COL20A1: variants seen among roughly 807,000 people sequenced by gnomAD.
COL20A1 encodes collagen type XX alpha 1 chain.
In COL20A1, 164 loss-of-function variants were observed where a neutral mutation model predicts 152.9. The observed-to-expected ratio is 1.07, with a 90% CI of 0.94 to 1.22. The LOEUF (loss-of-function observed/expected upper bound fraction) is 1.22. Among genes scored for constraint, COL20A1 ranks in the 50% most tolerant of loss-of-function variants. COL20A1 has a pLI of 0.00. For missense variants in COL20A1, 1,873 were observed against 1,744.8 expected, an observed-to-expected ratio of 1.07 and a Z score of -1.31; for synonymous variants, 864 against 756.0, an observed-to-expected ratio of 1.14 and a Z score of -2.34.
rs139725791 is a variant in COL20A1, at chr20:63,316,928, T to C, written c.2663+237T>C. Among the ~76,000 whole-genome samples the C allele has an allele frequency of 1.4e-4, 21 of 152,366 alleles. No individual in the cohort carries two copies. In the East Asian group the frequency reaches 3.9e-3, roughly 28 times the overall value. On this transcript the variant is annotated intron_variant, in intron 21 of 35. Transcript: ENST00000358894. ...GTGAGGCCAGCCCCTTGGCATATTT[T>C]GGCAACCAAGTATGGATCTATTTCC...
Position 63,308,584 on chromosome 20 carries a change from C to A in COL20A1, c.818C>A (p.Ala273Glu). Residue 273 changes from alanine (A) to glutamate (E), a missense_variant, in exon 8 of 36, where the codon GCG becomes GAG. Ala to Glu is a moderately radical substitution (Grantham distance 107). Coordinates refer to ENST00000358894, the MANE Select transcript of COL20A1 (RefSeq NM_020882.4). The stretch of plus-strand genomic sequence containing the variant: ...GTGCTGGGGCAGAACCTGCAGCCGG[C>A]GGCTGGCCTCCGTCCAGAGGCAGCC... ...THVLGQNLQP[A>E]AGLRPEAAKV... 1.9e-6 allele frequency: 3 copies of A among 1,604,686 alleles called. No homozygotes were observed. Among genetic ancestry groups the A allele is most frequent in the Middle Eastern group, 1.7e-4 (1 of 6,042 alleles).
At chr20:63,298,257 G>C (rs1035213025) in intron 3 of COL20A1, among the ~76,000 whole-genome samples, 3 of 152,218 alleles carry the variant, frequency 2.0e-5, no homozygotes, top group Admixed American at 6.5e-5. Flanking sequence ...AAGGCATTCA[G>C]TACATACTTT....
intron 19 of COL20A1, 61 bp from the exon 20 acceptor site, chr20:63,315,343 T>G (rs1357919416): frequency 5.3e-6 from 8 of 1,506,060 alleles, no homozygotes; most frequent in African/African-American, 1.4e-5. Flanking sequence ...TCCCCAGCGG[T>G]CTGTCAGGCG....
At position 63,334,740 on chromosome 20, in the gene COL20A1, G is replaced by A. The variant is rs1046234737; in HGVS notation, c.*4024G>A. On this transcript the variant is annotated 3_prime_UTR_variant, in exon 36 of 36. Transcript: ENST00000358894. ...CACCGGCCCTTAAACACAGTTTTTA[G>A]GGAAGATTCCAACTCAAACAATTTT... 3.9e-5 allele frequency: 6 copies of A among 152,200 alleles called. No homozygotes were observed. The highest frequency in any genetic ancestry group is 1.4e-4 in the African/African-American group (6 of 41,432). The allele number at this position is 152,200 out of a possible 1,614,324, so 9.4% of individuals were successfully genotyped here.
chr20:63,326,022 T>C (rs1013456813), intron 29 of COL20A1, 74 bp from the exon 30 acceptor site: 14 of 1,335,624 alleles, frequency 1.0e-5, no homozygotes, highest in Admixed American at 6.7e-5. Flanking sequence ...TGGGTGCTGC[T>C]GGGGGGCTGT....
Position 63,321,136 on chromosome 20 carries a change from A to G in COL20A1, c.3240+37A>G, listed in dbSNP as rs1397833850. ...GGCGTCTCCTTGGGGTGACCAGGGAACACTGGCCAATGTATTGCTGCCACT... is the reference window on the plus strand; with the variant it reads ...GGCGTCTCCTTGGGGTGACCAGGGAGCACTGGCCAATGTATTGCTGCCACT... On this transcript the variant is annotated intron_variant, in intron 26 of 35. Coordinates refer to ENST00000358894, the MANE Select transcript of COL20A1 (RefSeq NM_020882.4). The G allele has an allele frequency of 3.5e-6, 5 of 1,444,886 alleles. No individual in the cohort carries two copies. In the South Asian group the frequency reaches 4.9e-5, roughly 14 times the overall value. The allele number at this position is 1,444,886 out of a possible 1,614,324, so 89.5% of individuals were successfully genotyped here.
chr20:63,328,608 G>A (rs905522535), intron 34 of COL20A1, 110 bp downstream of exon 34: 82 of 1,062,710 alleles, frequency 7.7e-5, no homozygotes, highest in Non-Finnish European at 1.0e-4. Flanking sequence ...AGCTCCTGCT[G>A]GAGATGCCAC....
Position 63,313,850 on chromosome 20 carries a change from C to T in COL20A1, c.2317C>T (p.Leu773Phe). ...GCTTGGCCGCGTGCTCCATTACTGG[C>T]TCACCTACGCCCCCGCCTCTGGCTT... ...PPLGRVLHYW[L>F]TYAPASGLGP... The change falls in exon 18 of 36, where the codon CTC (leucine) becomes TTC (phenylalanine). Residue 773 changes from leucine (L) to phenylalanine (F), a missense_variant. By Grantham distance (22) the Leu-to-Phe change is conservative. Coordinates refer to ENST00000358894, the MANE Select transcript of COL20A1 (RefSeq NM_020882.4). This position sits in a 1 kb window ranked among gnomAD's most constrained non-coding sequence, Gnocchi z 5.9. 6.2e-7 allele frequency: 1 copy of T among 1,610,274 alleles called. No individual in the cohort carries two copies. The highest frequency in any genetic ancestry group is 8.5e-7 in the Non-Finnish European group (1 of 1,178,574).
rs2068349804 is a variant in COL20A1 at position 63,332,840 on chromosome 20, C to G, written c.*2124C>G. On this transcript the variant is annotated 3_prime_UTR_variant, in exon 36 of 36. Coordinates refer to ENST00000358894, the MANE Select transcript of COL20A1 (RefSeq NM_020882.4). Reference sequence around the variant, plus strand: ...TTAGGGACTGGTCCCTGAGGCCCCACCCGCCCCAGCCTGTGCAGTGGAGCT... The same window carrying G: ...TTAGGGACTGGTCCCTGAGGCCCCAGCCGCCCCAGCCTGTGCAGTGGAGCT... 1 of 152,228 alleles carries G rather than the reference C, an allele frequency of 6.6e-6. No individual in the cohort carries two copies. Among genetic ancestry groups the G allele is most frequent in the African/African-American group, 2.4e-5 (1 of 41,452 alleles). 9.4% of individuals were successfully genotyped at this position (152,228 alleles called of 1,614,324 possible).
chr20:63,327,614 C>CGGGCCCG (rs1238057131), intron 31 of COL20A1: 7 of 341,778 alleles, frequency 2.0e-5, no homozygotes, highest in Admixed American at 4.3e-5. Flanking sequence ...AGGCCTGACC[C>CGGGCCCG]GGGCCCGGGG....
At chr20:63,296,331 G>A (rs2067793719) in intron 2 of COL20A1, among the ~76,000 whole-genome samples, 1 of 152,272 alleles carries the variant, frequency 6.6e-6, no homozygotes, top group Admixed American at 6.5e-5. Context: ...AACAACTTGA[G>A]TTTAGGCGAA....
chr20:63,326,646 G>A (rs886996055), intron 30 of COL20A1, 106 bp from the exon 31 acceptor site: 6 of 703,734 alleles, frequency 8.5e-6, no homozygotes, highest in South Asian at 4.8e-5. Flanking sequence ...GGCATCCACC[G>A]CCCTTGTCAG....
rs1235871420 is a variant in COL20A1 at position 63,322,078 on chromosome 20, C to T, written c.3261C>T (p.Gly1087=). 1 of 1,503,696 alleles carries T rather than the reference C, an allele frequency of 6.7e-7. No individual in the cohort carries two copies. The highest frequency in any genetic ancestry group is 2.6e-5 in the Admixed American group (1 of 39,096). The allele number at this position is 1,503,696 out of a possible 1,614,324, so 93.1% of individuals were successfully genotyped here. Residue 1087 remains glycine, a synonymous_variant, in exon 27 of 36, where the codon GGC becomes GGT. Transcript: ENST00000358894. ...TGCAGGGCCTCCCTGGGAGGAATGG[C>T]ACCCCAGGAGAGCAGGGCTTCCCAG... The part of the protein sequence containing the change: ...QGPPGLPGRN[G]TPGEQGFPGP...
chr20:63,314,204 G>A lies in COL20A1; in HGVS notation c.2488+3G>A, dbSNP rs747325753. The stretch of plus-strand genomic sequence containing the variant: ...TGTGTCTGCCACGGGCCAGACAGGT[G>A]AGTGGGCACCAAGACCCCAGACCCA... On this transcript the variant is annotated splice_donor_region_variant and intron_variant, in intron 19 of 35. Coordinates refer to ENST00000358894, the MANE Select transcript of COL20A1 (RefSeq NM_020882.4). 6.4e-7 allele frequency: 1 copy of A among 1,555,654 alleles called. No homozygotes were observed. Among genetic ancestry groups the A allele is most frequent in the East Asian group, 2.4e-5 (1 of 41,362 alleles).
rs374139576 is a variant in COL20A1 at position 63,307,482 on chromosome 20, C to T, written c.497-8C>T. The T allele has an allele frequency of 7.5e-5, 120 of 1,609,134 alleles. 1 individual carries two copies. The highest frequency in any genetic ancestry group is 2.2e-4 in the East Asian group (10 of 44,896). The stretch of plus-strand genomic sequence containing the variant: ...CACCTAGCACCTGACCCGCTCCCAC[C>T]GCCCCAGCCGGCCCCCAGTTCCGCT... On this transcript the variant is annotated splice_region_variant and splice_polypyrimidine_tract_variant and intron_variant, in intron 5 of 35. Transcript: ENST00000358894.
In COL20A1 at chr20:63,313,049, C is replaced by A. The variant is rs765619920; in HGVS notation, c.2077-68C>A. 245 of 1,555,844 alleles carry A rather than the reference C, an allele frequency of 1.6e-4. No individual in the cohort carries two copies. Among genetic ancestry groups the A allele is most frequent in the Non-Finnish European group, 2.0e-4 (228 of 1,148,070 alleles). On this transcript the variant is annotated intron_variant, in intron 16 of 35. Coordinates refer to ENST00000358894, the MANE Select transcript of COL20A1 (RefSeq NM_020882.4). The surrounding 1 kb of genome is among the most constrained non-coding windows in gnomAD (Gnocchi z 5.9). ...CCCACCCTGTCTCCCAGGGATGCCT[C>A]ACTGCCCGGCCCCCCAACCTGAGGA...
At chr20:63,299,647 G>A (rs551494604) in intron 3 of COL20A1, among the ~76,000 whole-genome samples, 136 of 152,118 alleles carry the variant, frequency 8.9e-4, no homozygotes, top group Non-Finnish European at 1.7e-3. Flanking sequence ...CAGATAGATG[G>A]ACCTTATCAG....
At chr20:63,325,942 G>A (rs2123433258) in intron 29 of COL20A1, among the ~76,000 whole-genome samples, 154 bp from the exon 30 acceptor site, 1 of 152,204 alleles carries the variant, frequency 6.6e-6, no homozygotes, top group East Asian at 1.9e-4. Flanking sequence ...AGGGTGGGTG[G>A]GGGAGTGGCT....
At chr20:63,318,981 G>A (rs2068120030) in intron 21 of COL20A1, 77 bp from the exon 22 acceptor site, 13 of 1,167,132 alleles carry the variant, frequency 1.1e-5, no homozygotes, top group Non-Finnish European at 1.5e-5. Context: ...GGCTGGGGCT[G>A]GGCGAGCGGA....
Sources: gnomAD v4.1 joint callset for allele counts (sites outside exome capture counted in the v4.1 genomes callset) on GRCh38, gnomAD v4.1.1 for gene constraint, Gnocchi (gnomAD v3.1) non-coding constraint, MANE v1.5 for transcripts, NCBI Gene and HGNC (gene_info 2026-07-23, HGNC 2026-07-21) for gene names.